Variants in A2M observed in about 807,000 individuals in gnomAD.
The protein encoded by A2M is C3 and PZP-like alpha-2-macroglobulin domain-containing protein 5.
Under a neutral mutation model 183.9 loss-of-function variants are expected in A2M, and 128 were observed. The observed-to-expected ratio is 0.70, with a 90% CI of 0.60 to 0.81. A2M has a LOEUF of 0.81. Among genes scored for constraint, A2M ranks in the 30% least tolerant of loss-of-function variants. A2M has a pLI of 0.00. For synonymous variants in A2M, 592 were observed against 670.8 expected, an observed-to-expected ratio of 0.88 and a Z score of 1.81; for missense variants, 1,495 against 1,787.6, an observed-to-expected ratio of 0.84 and a Z score of 2.95.
chr12:9,095,914 C>T (rs912940149), intron 15 of A2M, among the ~76,000 whole-genome samples: 2 of 151,188 alleles, frequency 1.3e-5, no homozygotes, highest in African/African-American at 2.4e-5. Flanking sequence ...CGCCCGCCAC[C>T]GCGCCCGGCT....
rs201235306 is a variant in A2M, at chr12:9,099,470, C to T, written c.1612G>A (p.Ala538Thr). Residue 538 changes from alanine (A) to threonine (T), a missense_variant, in exon 14 of 36, where the codon GCT (alanine) becomes ACT (threonine). By Grantham distance (58) the Ala-to-Thr change is moderately conservative. Coordinates refer to ENST00000318602, the MANE Select transcript of A2M (RefSeq NM_000014.6). The stretch of plus-strand genomic sequence containing the variant: ...AAAACAGCATAGATGAGCAACCGAG[C>T]GACAGGAGCAATGTCTGACTTCACA... ...IPVKSDIAPV[A>T]RLLIYAVLPT... is the part of the protein sequence containing the mutation. The T allele has an allele frequency of 7.2e-5, 116 of 1,608,932 alleles. No homozygotes were observed. The highest frequency in any genetic ancestry group is 1.0e-4 in the Admixed American group (6 of 59,408).
In A2M at chr12:9,072,680, C is replaced by T; in HGVS notation, c.3948G>A (p.Val1316=). The change falls in exon 30 of 36, where the codon GTG becomes GTA. Residue 1316 remains valine, a synonymous_variant. Transcript: ENST00000318602. ...GGAGGTAGACACATCCTTCTCCTGT[C>T]ACTTTCATGCTGTATTCCCCAGGCA... ...PELPGEYSMK[V]TGEGCVYLQT... The T allele has an allele frequency of 6.2e-7, 1 of 1,614,162 alleles. No individual in the cohort carries two copies. Among genetic ancestry groups the T allele is most frequent in the Non-Finnish European group, 8.5e-7 (1 of 1,180,018 alleles).
In A2M at chr12:9,094,877, T is replaced by C. The variant is rs374612853; in HGVS notation, c.2125+96A>G. ...CTTAATATGTATGACTCACATGTCCTTTTTGTTTGTTAATTTTTGTCACAT... is the reference window on the plus strand; with the variant it reads ...CTTAATATGTATGACTCACATGTCCCTTTTGTTTGTTAATTTTTGTCACAT... On this transcript the variant is annotated intron_variant, in intron 17 of 35. Transcript: ENST00000318602. The C allele has an allele frequency of 5.0e-5, 30 of 604,168 alleles. No homozygotes were observed. The South Asian group carries it at 7.8e-4, about 16-fold the overall frequency. 37.4% of individuals were successfully genotyped at this position (604,168 alleles called of 1,614,324 possible). A position where few individuals can be genotyped will look rare whatever the true frequency, so the allele number is the denominator to read the frequency against.
chr12:9,074,092 A>T (rs1441259079), intron 29 of A2M, among the ~76,000 whole-genome samples: 2 of 52,996 alleles, frequency 3.8e-5, no homozygotes, highest in African/African-American at 9.4e-5. Context: ...TGTCTTAAAA[A>T]AAAAAAAAAA....
intron 34 of A2M, 71 bp from the exon 35 acceptor site, chr12:9,068,295 G>A: frequency 6.6e-7 from 1 of 1,505,362 alleles, no homozygotes; most frequent in Non-Finnish European, 9.0e-7. Context: ...AACATCTGTG[G>A]GATACAGGCC....
At chr12:9,082,874 A>T (rs2137726421) in intron 22 of A2M, among the ~76,000 whole-genome samples, 1 of 152,376 alleles carries the variant, frequency 6.6e-6, no homozygotes, top group African/African-American at 2.4e-5. Context: ...GTGCCACAAT[A>T]AACATATGTG....
chr12:9,074,873 T>C, intron 28 of A2M, 90 bp from the exon 29 acceptor site: 2 of 1,289,160 alleles, frequency 1.6e-6, no homozygotes, highest in Non-Finnish European at 2.2e-6. Context: ...GAAATGAGAA[T>C]TGCATGCCCA....
At chr12:9,071,431 A>AAAAAAT (rs987111958) in intron 31 of A2M, among the ~76,000 whole-genome samples, 1 of 151,412 alleles carries the variant, frequency 6.6e-6, no homozygotes, top group African/African-American at 2.4e-5. Flanking sequence ...AAATGAAAAA[A>AAAAAAT]ATATATATAT....
rs190070128 is a variant in A2M at position 9,088,267 on chromosome 12, A to G, written c.2770+933T>C. Among the ~76,000 whole-genome samples the G allele has an allele frequency of 3.0e-3, 439 of 146,002 alleles. 2 individuals carry two copies. The highest frequency in any genetic ancestry group is 0.01 in the African/African-American group (414 of 40,020). The stretch of plus-strand genomic sequence containing the variant: ...AATGTGATGTTCTGTTTTTTTTTTT[A>G]AAGAAGAATATATTTTTGTAAAATT... On this transcript the variant is annotated intron_variant, in intron 22 of 35. Transcript: ENST00000318602.
chr12:9,098,763 A>G lies in A2M; in HGVS notation c.1702-7T>C. Reference sequence around the variant, plus strand: ...GGCTGAAGCTCAAATCCACCTGTGAAATTGGAACAAAAGGTCAGAAAAGCA... The same window carrying G: ...GGCTGAAGCTCAAATCCACCTGTGAGATTGGAACAAAAGGTCAGAAAAGCA... On this transcript the variant is annotated splice_polypyrimidine_tract_variant and splice_region_variant and intron_variant, in intron 14 of 35. Transcript: ENST00000318602. 1 of 1,611,902 alleles carries G rather than the reference A, an allele frequency of 6.2e-7. No individual in the cohort carries two copies. Among genetic ancestry groups the G allele is most frequent in the Non-Finnish European group, 8.5e-7 (1 of 1,179,262 alleles).
chr12:9,115,564 T>TA (rs1408958647), intron 1 of A2M, 200 bp downstream of exon 1: 1 of 524,660 alleles, frequency 1.9e-6, no homozygotes, highest in Non-Finnish European at 3.4e-6. Context: ...AGGCTTTGCA[T>TA]ATTAGAGCTT....
At position 9,097,892 on chromosome 12, in the gene A2M, C is replaced by CAA. The variant is rs768303974; in HGVS notation, c.1851+714_1851+715insTT. On this transcript the variant is annotated intron_variant, in intron 15 of 35. Coordinates refer to ENST00000318602, the MANE Select transcript of A2M (RefSeq NM_000014.6). ...AAGTTATCTGCCTGCCTTGGCCTCC[C>CAA]AGTGTTGGGATTACAGGCGTGAGCC... 3.0e-3 allele frequency among the ~76,000 whole-genome samples: 452 copies of CAA among 152,270 alleles called. 2 individuals carry two copies. Among genetic ancestry groups the CAA allele is most frequent in the African/African-American group, 0.01 (422 of 41,538 alleles).
chr12:9,084,809 A>G (rs1044198810), intron 22 of A2M, among the ~76,000 whole-genome samples: 2 of 152,154 alleles, frequency 1.3e-5, no homozygotes, highest in African/African-American at 4.8e-5. Context: ...AAGGACACAC[A>G]TAGACTGAAA....
intron 29 of A2M, among the ~76,000 whole-genome samples, chr12:9,074,057 C>T (rs1352293913): frequency 2.1e-5 from 3 of 143,108 alleles, no homozygotes; most frequent in Non-Finnish European, 4.5e-5. Flanking sequence ...CACTGCATTC[C>T]AGCCTAGGTG....
chr12:9,093,025 T>TA (rs1248950386), intron 18 of A2M, among the ~76,000 whole-genome samples: 1 of 152,216 alleles, frequency 6.6e-6, no homozygotes, highest in Non-Finnish European at 1.5e-5. Context: ...TGCGTGATCT[T>TA]ACTTGTATGT....
In A2M at chr12:9,099,471, G is replaced by A. The variant is rs568909624; in HGVS notation, c.1611C>T (p.Val537=). ...AAACAGCATAGATGAGCAACCGAGC[G>A]ACAGGAGCAATGTCTGACTTCACAG... ...SIPVKSDIAP[V]ARLLIYAVLP... Residue 537 remains valine (V), a synonymous_variant, in exon 14 of 36, where the codon GTC becomes GTT. Transcript: ENST00000318602. 4.3e-5 allele frequency: 69 copies of A among 1,609,338 alleles called. No individual in the cohort carries two copies. The highest frequency in any genetic ancestry group is 2.7e-4 in the South Asian group (24 of 89,548).
rs912488837 is a variant in A2M at position 9,106,529 on chromosome 12, T to G, written c.956A>C (p.Lys319Thr). Residue 319 changes from lysine (K) to threonine (T), a missense_variant, in exon 9 of 36, where the codon AAA (lysine) becomes ACA (threonine). Coordinates refer to ENST00000318602, the MANE Select transcript of A2M (RefSeq NM_000014.6). ...FQLKRKEYEM[K>T]LHTEAQIQEE... ...TTGGATCTGGGCCTCAGTGTGAAGT[T>G]TCATTTCATACTCCTTCCTCTTCAG... The G allele has an allele frequency of 1.9e-6, 3 of 1,598,918 alleles. No individual in the cohort carries two copies. The highest frequency in any genetic ancestry group is 2.6e-6 in the Non-Finnish European group (3 of 1,171,222).
At chr12:9,093,886 TC>T (rs1439963106) in intron 17 of A2M, among the ~76,000 whole-genome samples, 134 of 147,922 alleles carry the variant, frequency 9.1e-4, no homozygotes, top group African/African-American at 3.4e-3. Flanking sequence ...GAGTGAGACT[TC>T]GTCTCAAACA....
Position 9,106,527 on chromosome 12 carries a change from G to A in A2M, c.958C>T (p.Leu320Phe), listed in dbSNP as rs377610011. ...TCTTGGATCTGGGCCTCAGTGTGAA[G>A]TTTCATTTCATACTCCTTCCTCTTC... The part of the protein sequence containing the change: ...QLKRKEYEMK[L>F]HTEAQIQEEG... The change falls in exon 9 of 36, where the codon CTT becomes TTT. Residue 320 changes from leucine to phenylalanine, a missense_variant. Transcript: ENST00000318602. 1 of 1,598,502 alleles carries A rather than the reference G, an allele frequency of 6.3e-7. No individual in the cohort carries two copies. Among genetic ancestry groups the A allele is most frequent in the African/African-American group, 1.3e-5 (1 of 74,742 alleles).
Sources: gnomAD v4.1 joint callset for allele counts (sites outside exome capture counted in the v4.1 genomes callset) on GRCh38, gnomAD v4.1.1 for gene constraint, MANE v1.5 for transcripts, NCBI Gene and HGNC (gene_info 2026-07-23, HGNC 2026-07-21) for gene names.